SPAG16: variants seen among roughly 807,000 people sequenced by gnomAD.
SPAG16 encodes the protein sperm associated antigen 16, also known as sperm-associated antigen 16 protein.
SPAG16 carries 86 observed loss-of-function variants against 80.4 expected under a neutral mutation model. That is an observed-to-expected ratio of 1.07 (90% confidence interval 0.90 to 1.28). The LOEUF is 1.28. SPAG16 is among the 50% of genes most tolerant of loss of function. SPAG16 has a pLI of 0.00. For missense variants in SPAG16, 870 were observed against 765.3 expected, an observed-to-expected ratio of 1.14 and a Z score of -1.61; for synonymous variants, 294 against 265.9, an observed-to-expected ratio of 1.11 and a Z score of -1.03.
At chr2:213,517,853 A>G (rs916596999) in intron 10 of SPAG16, among the ~76,000 whole-genome samples, 1 of 152,216 alleles carries the variant, frequency 6.6e-6, no homozygotes. Context: ...TGAAAATTCT[A>G]GAAGAAAACC....
chr2:213,615,262 G>A (rs889370373), intron 10 of SPAG16, among the ~76,000 whole-genome samples: 2 of 152,178 alleles, frequency 1.3e-5, no homozygotes, highest in Non-Finnish European at 2.9e-5. Context: ...TAATGTATTC[G>A]TATTCTTGAG....
chr2:213,676,459 C>G, intron 10 of SPAG16, among the ~76,000 whole-genome samples: 2 of 149,420 alleles, frequency 1.3e-5, no homozygotes, highest in African/African-American at 5.0e-5. Flanking sequence ...CTGTCTTGTG[C>G]CAGTTTTCAA....
At chr2:213,874,637 T>C (rs1023715631) in intron 11 of SPAG16, among the ~76,000 whole-genome samples, 1 of 152,182 alleles carries the variant, frequency 6.6e-6, no homozygotes, top group Non-Finnish European at 1.5e-5. Flanking sequence ...TATGGCATTA[T>C]GAAGGTTATC....
chr2:214,188,978 C>G (rs1197064501), intron 15 of SPAG16, among the ~76,000 whole-genome samples: 1 of 152,078 alleles, frequency 6.6e-6, no homozygotes, highest in East Asian at 1.9e-4. Flanking sequence ...TACATAGCAA[C>G]ATCTCTTGTC....
intron 5 of SPAG16, 158 bp downstream of exon 5, chr2:213,317,514 A>G: frequency 7.4e-7 from 1 of 1,345,384 alleles, no homozygotes; most frequent in Non-Finnish European, 9.5e-7. Flanking sequence ...CAAATTAATT[A>G]AACAGATGAT....
chr2:213,520,468 C>T (rs1174338527), intron 10 of SPAG16, among the ~76,000 whole-genome samples: 5 of 151,968 alleles, frequency 3.3e-5, no homozygotes, highest in African/African-American at 4.8e-5. Flanking sequence ...GTGGTGGGCA[C>T]CTGTAGTCCC....
chr2:213,685,712 A>G (rs1258552273), intron 10 of SPAG16, among the ~76,000 whole-genome samples: 1 of 152,214 alleles, frequency 6.6e-6, no homozygotes, highest in Non-Finnish European at 1.5e-5. Context: ...TTTCCTTTTT[A>G]TTCTAAGAGC....
chr2:213,472,073 T>G (rs1242368293), intron 9 of SPAG16, among the ~76,000 whole-genome samples: 1 of 152,164 alleles, frequency 6.6e-6, no homozygotes, highest in Non-Finnish European at 1.5e-5. Flanking sequence ...GTATAAGACA[T>G]GAATGTAATG....
chr2:214,375,773 GTGTT>G (rs1229205967), intron 15 of SPAG16, among the ~76,000 whole-genome samples: 3 of 152,062 alleles, frequency 2.0e-5, no homozygotes, highest in Non-Finnish European at 2.9e-5. Flanking sequence ...CTGTGCTTTT[GTGTT>G]TGTTTTTTTC....
chr2:213,367,074 G>T (rs1201739784), intron 8 of SPAG16, among the ~76,000 whole-genome samples: 1 of 152,116 alleles, frequency 6.6e-6, no homozygotes, highest in Non-Finnish European at 1.5e-5. Flanking sequence ...GGCTGAGAAC[G>T]ATGGTTTCCA....
intron 9 of SPAG16, among the ~76,000 whole-genome samples, chr2:213,436,519 A>T (rs2070651153): frequency 6.6e-6 from 1 of 152,202 alleles, no homozygotes; most frequent in East Asian, 1.9e-4. Flanking sequence ...TTATCATTCC[A>T]TTAAATTTGT....
At chr2:213,619,373 C>T (rs1000891784) in intron 10 of SPAG16, among the ~76,000 whole-genome samples, 1 of 152,154 alleles carries the variant, frequency 6.6e-6, no homozygotes, top group African/African-American at 2.4e-5. Flanking sequence ...GGTGAATAGA[C>T]AGCCTGTAGA....
intron 4 of SPAG16, among the ~76,000 whole-genome samples, chr2:213,314,663 C>T (rs2063329456): frequency 6.6e-6 from 1 of 151,832 alleles, no homozygotes; most frequent in Non-Finnish European, 1.5e-5. Context: ...TCTTTTATCA[C>T]ATACTATTTT....
At chr2:214,281,130 A>G in intron 15 of SPAG16, 1 of 382,872 alleles carries the variant, frequency 2.6e-6, no homozygotes, top group Non-Finnish European at 5.1e-6. Flanking sequence ...TACCAAACCT[A>G]TTGAGAAGCC....
chr2:213,353,939 G>A (rs1027285155), intron 7 of SPAG16, among the ~76,000 whole-genome samples: 4 of 151,998 alleles, frequency 2.6e-5, no homozygotes, highest in African/African-American at 4.8e-5. Context: ...TGTGCACAAC[G>A]TACAGGTTTG....
chr2:214,195,835 G>C (rs1011534716), intron 15 of SPAG16, among the ~76,000 whole-genome samples: 1 of 151,990 alleles, frequency 6.6e-6, no homozygotes, highest in African/African-American at 2.4e-5. Context: ...GGAATTTCAA[G>C]CTGGAGTTAT....
chr2:213,682,809 G>A (rs2064464112), intron 10 of SPAG16, among the ~76,000 whole-genome samples: 1 of 152,162 alleles, frequency 6.6e-6, no homozygotes, highest in Non-Finnish European at 1.5e-5. Flanking sequence ...TAGTCATTAG[G>A]CTAATGGTTT....
At chr2:213,936,674 T>C (rs1240152966) in intron 12 of SPAG16, among the ~76,000 whole-genome samples, 2 of 152,212 alleles carry the variant, frequency 1.3e-5, no homozygotes, top group African/African-American at 4.8e-5. Context: ...TTCATACACC[T>C]GAAAGGCAAA....
intron 12 of SPAG16, among the ~76,000 whole-genome samples, chr2:213,955,928 T>G (rs753971488): frequency 7.9e-5 from 12 of 151,918 alleles, no homozygotes; most frequent in Non-Finnish European, 1.3e-4. Context: ...TTGTTGAACT[T>G]TTCAAAGAAC....
Sources: allele counts gnomAD v4.1 joint callset (sites outside exome capture counted in the v4.1 genomes callset), GRCh38; gene constraint gnomAD v4.1.1; transcripts MANE v1.5; gene names NCBI Gene and HGNC (gene_info 2026-07-23, HGNC 2026-07-21).